MYB: variants seen among roughly 807,000 people sequenced by gnomAD.
The protein encoded by MYB is MYB proto-oncogene, transcription factor.
In MYB, 28 loss-of-function variants were observed where a neutral mutation model predicts 92.9. The ratio of observed to expected loss-of-function variants is 0.30; its 90% confidence interval spans 0.22 to 0.41. The LOEUF (loss-of-function observed/expected upper bound fraction) is 0.41. Among genes scored for constraint, MYB ranks in the 10% least tolerant of loss-of-function variants. The pLI is 1.00. For missense variants in MYB, 679 were observed against 929.3 expected, an observed-to-expected ratio of 0.73 and a Z score of 3.50; for synonymous variants, 295 against 329.1, an observed-to-expected ratio of 0.90 and a Z score of 1.12.
At position 135,218,566 on chromosome 6, in the gene MYB, A is replaced by G. The variant is rs2128328531; in HGVS notation, c.*586A>G. The G allele has an allele frequency of 5.5e-6, 1 of 181,606 alleles. No individual in the cohort carries two copies. Among genetic ancestry groups the G allele is most frequent in the Admixed American group, 6.3e-5 (1 of 15,954 alleles). The allele number at this position is 181,606 out of a possible 1,614,324, so 11.2% of individuals were successfully genotyped here. A position where few individuals can be genotyped will look rare whatever the true frequency, so the allele number is the denominator to read the frequency against. ...TTTAAAAATTATTACTGTAAGAAATAGTTTTATAAAAAATTATATTTTTAT... is the reference window on the plus strand; with the variant it reads ...TTTAAAAATTATTACTGTAAGAAATGGTTTTATAAAAAATTATATTTTTAT... On this transcript the variant is annotated 3_prime_UTR_variant, in exon 16 of 16. Transcript: ENST00000341911.
chr6:135,200,051 T>C lies in MYB; in HGVS notation c.1710-34T>C, dbSNP rs76606753. 4.5e-3 allele frequency: 6,783 copies of C among 1,492,402 alleles called. 102 individuals carry two copies. Among genetic ancestry groups the C allele is most frequent in the African/African-American group, 0.033 (2,419 of 72,354 alleles). The allele number at this position is 1,492,402 out of a possible 1,614,324, so 92.4% of individuals were successfully genotyped here. On this transcript the variant is annotated intron_variant, in intron 11 of 15. Coordinates refer to ENST00000341911, the MANE Select transcript of MYB (RefSeq NM_001130173.2). ...AAGCCATGTAGGGACATTTATTCTT[T>C]TGTATTGAGCCACTGCTTGTTTTCT...
rs1775021844 is a variant in MYB, at chr6:135,181,481, C to A, written c.-33C>A. On this transcript the variant is annotated 5_prime_UTR_variant, in exon 1 of 16. Transcript: ENST00000341911. This position sits in a 1 kb window ranked among gnomAD's most constrained non-coding sequence, Gnocchi z 5.3. ...AGGCGGCAGCCCGGTGCGGTCCCCG[C>A]GGCTCTCGGCGGAGCCCCGCGCCCG... 1 of 1,113,418 alleles carries A rather than the reference C, an allele frequency of 9.0e-7. No individual in the cohort carries two copies. The allele number at this position is 1,113,418 out of a possible 1,614,324, so 69.0% of individuals were successfully genotyped here.
In MYB at chr6:135,198,984, A is replaced by G. The variant is rs1346027915; in HGVS notation, c.1643A>G (p.His548Arg). Residue 548 changes from histidine to arginine, a missense_variant, in exon 11 of 16, where the codon CAC becomes CGC. His to Arg is a conservative substitution (Grantham distance 29). Coordinates refer to ENST00000341911, the MANE Select transcript of MYB (RefSeq NM_001130173.2). ...PSLTSTPLIG[H>R]KLTVTTPFHR... Reference sequence around the variant, plus strand: ...TTAACTTCCACCCCCCTCATTGGTCACAAATTGACTGTTACAACACCATTT... The same window carrying G: ...TTAACTTCCACCCCCCTCATTGGTCGCAAATTGACTGTTACAACACCATTT... 4 of 1,612,180 alleles carry G rather than the reference A, an allele frequency of 2.5e-6. 1 individual carries two copies. The highest frequency in any genetic ancestry group is 1.7e-6 in the Non-Finnish European group (2 of 1,178,444).
intron 15 of MYB, among the ~76,000 whole-genome samples, chr6:135,205,066 C>CA (rs1255489417): frequency 6.0e-5 from 9 of 151,252 alleles, no homozygotes; most frequent in Non-Finnish European, 1.2e-4. Context: ...GACTCCATCT[C>CA]AAAAAAAAGA....
chr6:135,194,321 C>T, intron 7 of MYB, 35 bp from the exon 8 acceptor site: 1 of 1,492,000 alleles, frequency 6.7e-7, no homozygotes, highest in Non-Finnish European at 9.3e-7. Context: ...TCCAATCAGA[C>T]CTTTGTCTTT....
chr6:135,186,051 A>G (rs1194493557), intron 2 of MYB, 31 bp downstream of exon 2: 8 of 1,577,340 alleles, frequency 5.1e-6, no homozygotes, highest in Non-Finnish European at 7.0e-6. Context: ...GACGCAGAAA[A>G]TAGATAGAGT....
chr6:135,214,242 T>C (rs1780126095), intron 15 of MYB, among the ~76,000 whole-genome samples: 1 of 151,040 alleles, frequency 6.6e-6, no homozygotes, highest in African/African-American at 2.4e-5. Flanking sequence ...GCCCCTGCAC[T>C]CCAGCCTGGG....
intron 1 of MYB, among the ~76,000 whole-genome samples, chr6:135,183,092 G>A (rs1775357353): frequency 6.7e-6 from 1 of 148,936 alleles, no homozygotes; most frequent in Admixed American, 6.6e-5. Context: ...AGGCGCGGCA[G>A]CGGCTCCGCG....
At position 135,182,115 on chromosome 6, in the gene MYB, T is replaced by C. The variant is rs961638437; in HGVS notation, c.23+579T>C. Among the ~76,000 whole-genome samples the C allele has an allele frequency of 1.3e-5, 2 of 152,198 alleles. No individual in the cohort carries two copies. Among genetic ancestry groups the C allele is most frequent in the African/African-American group, 4.8e-5 (2 of 41,456 alleles). ...ATAAAGGGGTCTCTACTTTTGCAAA[T>C]TGTCTTAAGACCTGGTTTTGGAGGT... On this transcript the variant is annotated intron_variant, in intron 1 of 15. Transcript: ENST00000341911. This position sits in a 1 kb window ranked among gnomAD's most constrained non-coding sequence, Gnocchi z 5.6.
chr6:135,185,844 C>T, intron 1 of MYB, 59 bp from the exon 2 acceptor site: 4 of 1,315,352 alleles, frequency 3.0e-6, no homozygotes, highest in Non-Finnish European at 4.4e-6. Context: ...GTTTTGTAAT[C>T]CAGTAGTAGT....
In MYB at chr6:135,192,327, T is replaced by C; in HGVS notation, c.531T>C (p.Thr177=). Residue 177 remains threonine, a synonymous_variant, in exon 6 of 16, where the codon ACT becomes ACC. Transcript: ENST00000341911. ...TGTGTGATATATTTCTGTGCAGAAC[T>C]GATAATGCTATCAAGAACCACTGGA... is the stretch of plus-strand genomic sequence containing the variant. ...AEIAKLLPGR[T]DNAIKNHWNS... The C allele has an allele frequency of 6.2e-7, 1 of 1,612,702 alleles. No individual in the cohort carries two copies. Among genetic ancestry groups the C allele is most frequent in the Non-Finnish European group, 8.5e-7 (1 of 1,178,644 alleles).
At chr6:135,214,590 T>C (rs1780177886) in intron 15 of MYB, among the ~76,000 whole-genome samples, 1 of 152,250 alleles carries the variant, frequency 6.6e-6, no homozygotes, top group Non-Finnish European at 1.5e-5. Context: ...TCCAAGTCCT[T>C]GGCTCCATGT....
intron 8 of MYB, chr6:135,195,280 T>G (rs545472804): frequency 3.0e-6 from 1 of 328,582 alleles, no homozygotes; most frequent in Admixed American, 4.5e-5. Context: ...ACTGCATCAG[T>G]GCAATCTGTA....
intron 10 of MYB, 74 bp from the exon 11 acceptor site, chr6:135,198,834 G>A: frequency 8.3e-7 from 1 of 1,205,452 alleles, no homozygotes; most frequent in African/African-American, 1.5e-5. Flanking sequence ...TGTTATCTAG[G>A]TGTGATTTTT....
At position 135,195,715 on chromosome 6, in the gene MYB, C is replaced by T. The variant is rs375898647; in HGVS notation, c.949-33C>T. On this transcript the variant is annotated intron_variant, in intron 8 of 15. Transcript: ENST00000341911. ...GTTCCTTCTCCCTTTCTTCTGTCCT[C>T]TCTTTATTTCTACACCCTTCCCCCT... The T allele has an allele frequency of 1.1e-4, 169 of 1,608,090 alleles. 1 individual carries two copies. Among genetic ancestry groups the T allele is most frequent in the Non-Finnish European group, 1.4e-4 (163 of 1,175,136 alleles).
intron 15 of MYB, among the ~76,000 whole-genome samples, chr6:135,207,243 C>G (rs558075142): frequency 8.5e-5 from 13 of 152,144 alleles, no homozygotes; most frequent in African/African-American, 3.1e-4. Context: ...TTTAGCCAAA[C>G]CATCTAGACA....
At chr6:135,216,491 C>T (rs1780455414) in intron 15 of MYB, among the ~76,000 whole-genome samples, 2 of 152,104 alleles carry the variant, frequency 1.3e-5, no homozygotes, top group Non-Finnish European at 2.9e-5. Flanking sequence ...CTTATAATAG[C>T]TAATACAATG....
chr6:135,196,806 A>T (rs759546547), intron 9 of MYB, 155 bp from the exon 10 acceptor site: 2 of 1,572,162 alleles, frequency 1.3e-6, no homozygotes, highest in Non-Finnish European at 1.7e-6. Flanking sequence ...CTACTGCAGT[A>T]TAATAGAGCA....
intron 6 of MYB, among the ~76,000 whole-genome samples, chr6:135,193,363 A>G (rs1333390995): frequency 2.0e-5 from 3 of 152,338 alleles, no homozygotes; most frequent in South Asian, 2.1e-4. Flanking sequence ...TTCTCTGTCC[A>G]TGGATTTGAC....
Sources: gnomAD v4.1 joint callset for allele counts (sites outside exome capture counted in the v4.1 genomes callset) on GRCh38, gnomAD v4.1.1 for gene constraint, Gnocchi (gnomAD v3.1) non-coding constraint, MANE v1.5 for transcripts, NCBI Gene and HGNC (gene_info 2026-07-23, HGNC 2026-07-21) for gene names.